The following KLF12 variants were observed in gnomAD, a reference collection of about 807,000 sequenced individuals.
KLF12 encodes the protein Krueppel-like factor 12.
Under a neutral mutation model 37.8 loss-of-function variants are expected in KLF12, and 9 were observed. The observed-to-expected ratio is 0.24, with a 90% CI of 0.14 to 0.42. KLF12 has a LOEUF of 0.42. Among genes scored for constraint, KLF12 ranks in the 10% least tolerant of loss-of-function variants. KLF12 has a pLI of 1.00. For missense variants in KLF12, 411 were observed against 516.0 expected (o/e 0.80, Z 1.97); for synonymous variants, 208 against 202.1 (o/e 1.03, Z -0.25).
At chr13:73,973,501 TA>T (rs1891404174) in intron 2 of KLF12, among the ~76,000 whole-genome samples, 1 of 152,106 alleles carries the variant, frequency 6.6e-6, no homozygotes, top group Admixed American at 6.6e-5. Context: ...TTTTCCAGAA[TA>T]AGTCCCATTC....
chr13:73,934,320 G>A (rs1347734315), intron 3 of KLF12, among the ~76,000 whole-genome samples: 3 of 152,124 alleles, frequency 2.0e-5, no homozygotes, highest in African/African-American at 7.2e-5. Flanking sequence ...CACAAGTGGT[G>A]GGAGAACTCT....
chr13:74,286,156 CT>C, the KLF12 span, among the ~76,000 whole-genome samples: 2 of 152,198 alleles, frequency 1.3e-5, no homozygotes, highest in Admixed American at 6.5e-5. Context: ...TTTACCTCTT[CT>C]TTTTTTCTCT....
intron 1 of KLF12, among the ~76,000 whole-genome samples, chr13:74,041,954 G>A (rs528024235): frequency 6.6e-6 from 1 of 152,214 alleles, no homozygotes; most frequent in South Asian, 2.1e-4. Flanking sequence ...TGCTATACAA[G>A]TGTTTGCTAT....
the KLF12 span, among the ~76,000 whole-genome samples, chr13:74,236,191 G>T: frequency 7.3e-6 from 1 of 137,352 alleles, no homozygotes; most frequent in South Asian, 2.3e-4. Context: ...GAGAATATGC[G>T]GTGTTTGGTT....
At chr13:73,822,034 A>G (rs1035540288) in intron 4 of KLF12, among the ~76,000 whole-genome samples, 12 of 152,192 alleles carry the variant, frequency 7.9e-5, no homozygotes, top group African/African-American at 2.4e-4. Flanking sequence ...GACCACGTCA[A>G]TTATACTCCC....
intron 1 of KLF12, among the ~76,000 whole-genome samples, chr13:74,066,176 G>A (rs1873904115): frequency 6.6e-6 from 1 of 152,078 alleles, no homozygotes; most frequent in Non-Finnish European, 1.5e-5. Flanking sequence ...AGGAAATATG[G>A]AACCCAACAT....
At chr13:74,185,641 A>G in the KLF12 span, among the ~76,000 whole-genome samples, 2 of 151,892 alleles carry the variant, frequency 1.3e-5, no homozygotes. Context: ...TGACTTTGGT[A>G]AGACTTCTAT....
chr13:73,867,856 A>G (rs1246033700), intron 3 of KLF12, among the ~76,000 whole-genome samples: 5 of 152,014 alleles, frequency 3.3e-5, no homozygotes, highest in Admixed American at 2.6e-4. Context: ...CCCTGTCTCT[A>G]CTAAAAATAG....
At chr13:74,071,648 G>C (rs574992407) in intron 1 of KLF12, among the ~76,000 whole-genome samples, 17 of 152,042 alleles carry the variant, frequency 1.1e-4, no homozygotes, top group African/African-American at 2.2e-4. Context: ...AGCCAAGATC[G>C]CACCACTGCA....
chr13:73,997,146 C>T (rs1172279846), intron 1 of KLF12, among the ~76,000 whole-genome samples: 2 of 152,210 alleles, frequency 1.3e-5, no homozygotes, highest in Non-Finnish European at 2.9e-5. Flanking sequence ...CAAGATTCAT[C>T]TCTTGCCTTT....
At chr13:74,095,202 C>T (rs1875906944) in intron 1 of KLF12, among the ~76,000 whole-genome samples, 1 of 152,028 alleles carries the variant, frequency 6.6e-6, no homozygotes. Flanking sequence ...ATCTTTTTTT[C>T]AGATCATGTC....
At chr13:74,217,123 T>C in the KLF12 span, among the ~76,000 whole-genome samples, 1 of 152,198 alleles carries the variant, frequency 6.6e-6, no homozygotes, top group Non-Finnish European at 1.5e-5. Flanking sequence ...GGACCTTATC[T>C]ATTCTTTCCT....
the KLF12 span, among the ~76,000 whole-genome samples, chr13:74,235,992 T>C: frequency 6.6e-6 from 1 of 150,792 alleles, no homozygotes; most frequent in African/African-American, 2.4e-5. Flanking sequence ...ATGTGCACAA[T>C]GTGCAGGTTA....
intron 3 of KLF12, among the ~76,000 whole-genome samples, chr13:73,908,110 T>G (rs1039278145): frequency 3.3e-5 from 5 of 152,110 alleles, no homozygotes; most frequent in Non-Finnish European, 7.3e-5. Context: ...AATTAAAATA[T>G]TAATGCTTCC....
chr13:74,073,560 T>C (rs1329727979), intron 1 of KLF12, among the ~76,000 whole-genome samples: 2 of 152,112 alleles, frequency 1.3e-5, no homozygotes, highest in Non-Finnish European at 2.9e-5. Context: ...AATTAGGAAG[T>C]TTTGTTCTAG....
chr13:73,765,508 G>C (rs1879851527), intron 5 of KLF12, among the ~76,000 whole-genome samples: 1 of 152,180 alleles, frequency 6.6e-6, no homozygotes, highest in Non-Finnish European at 1.5e-5. Flanking sequence ...GGAAGGAAGG[G>C]TGAACAGGTA....
intron 2 of KLF12, among the ~76,000 whole-genome samples, chr13:73,975,146 CT>C (rs1317805964): frequency 6.6e-6 from 1 of 152,126 alleles, no homozygotes; most frequent in Admixed American, 6.6e-5. Flanking sequence ...TCAAAAGTAA[CT>C]TTTTTTGTTG....
rs537174843 is a variant in KLF12, at chr13:73,692,890, A to G, written c.*2600T>C. Reference sequence around the variant, plus strand: ...TCAGTCTGGTTTCCACTTTCAGAGGATGAGGGAAAATGTTCCCTTCCCCAA... The same window carrying G: ...TCAGTCTGGTTTCCACTTTCAGAGGGTGAGGGAAAATGTTCCCTTCCCCAA... On this transcript the variant is annotated 3_prime_UTR_variant, in exon 8 of 8. Transcript: ENST00000377669. The G allele has an allele frequency of 3.3e-5, 5 of 152,712 alleles. No homozygotes were observed. The South Asian group carries it at 1.0e-3, about 32-fold the overall frequency. 9.5% of individuals were successfully genotyped at this position (152,712 alleles called of 1,614,324 possible).
chr13:74,252,432 A>G, the KLF12 span, among the ~76,000 whole-genome samples: 1 of 152,222 alleles, frequency 6.6e-6, no homozygotes, highest in Non-Finnish European at 1.5e-5. Flanking sequence ...GCTTTTGGCT[A>G]GGACCCAACA....
Sources: gnomAD v4.1 joint callset for allele counts (sites outside exome capture counted in the v4.1 genomes callset) on GRCh38, gnomAD v4.1.1 for gene constraint, MANE v1.5 for transcripts, NCBI Gene and HGNC (gene_info 2026-07-23, HGNC 2026-07-21) for gene names.